Variants in PCDHGA3 observed in about 807,000 individuals in gnomAD.
PCDHGA3 encodes the protein protocadherin gamma subfamily A, 3.
A neutral mutation model predicts 58.5 loss-of-function variants in PCDHGA3; 40 were observed. The ratio of observed to expected loss-of-function variants is 0.68; its 90% CI spans 0.53 to 0.89. The LOEUF (loss-of-function observed/expected upper bound fraction) is 0.89, where lower values mean the gene tolerates loss of function less well. Among genes scored for constraint, PCDHGA3 ranks in the 40% least tolerant of loss-of-function variants. The pLI is 0.00. For synonymous variants in PCDHGA3, 530 were observed against 525.7 expected (o/e 1.01, Z -0.11); for missense variants, 1,223 against 1,195.9 (o/e 1.02, Z -0.33).
At chr5:141,457,094 C>T (rs2098908295) in intron 1 of PCDHGA3, among the ~76,000 whole-genome samples, 1 of 152,154 alleles carries the variant, frequency 6.6e-6, no homozygotes, top group Non-Finnish European at 1.5e-5. Context: ...TATAAGGATA[C>T]TAATTAAGCA....
intron 1 of PCDHGA3, chr5:141,417,503 T>G (rs1171198405): frequency 8.7e-6 from 2 of 229,844 alleles, no homozygotes; most frequent in East Asian, 1.9e-4. Context: ...GGAAAAAGAT[T>G]AAAATATTTT....
intron 1 of PCDHGA3, chr5:141,365,417 G>C: frequency 6.2e-7 from 1 of 1,613,940 alleles, no homozygotes; most frequent in South Asian, 1.1e-5. Context: ...CTGTCTTCCC[G>C]GAACTGTAAT....
rs1272166319 is a variant in PCDHGA3, at chr5:141,370,826, A to C, written c.2424+24369A>C. Reference sequence around the variant, plus strand: ...ATATCACTGAGCTGGAAATCAGCGAACTGGCTCTCACTGGAGCCACATTTG... The same window carrying C: ...ATATCACTGAGCTGGAAATCAGCGACCTGGCTCTCACTGGAGCCACATTTG... On this transcript the variant is annotated intron_variant, in intron 1 of 3. Coordinates refer to ENST00000253812, the MANE Select transcript of PCDHGA3 (RefSeq NM_018916.4). The C allele has an allele frequency of 1.1e-5, 18 of 1,613,884 alleles. No homozygotes were observed. The Admixed American group carries it at 3.0e-4, about 27-fold the overall frequency.
intron 1 of PCDHGA3, chr5:141,354,876 AC>A (rs763107420): frequency 8.7e-5 from 32 of 369,810 alleles, no homozygotes; most frequent in Non-Finnish European, 1.4e-4. Context: ...CAGGAATTTG[AC>A]TTTATTATCT....
intron 1 of PCDHGA3, among the ~76,000 whole-genome samples, chr5:141,401,018 G>C (rs2094104038): frequency 6.6e-6 from 1 of 152,108 alleles, no homozygotes; most frequent in Admixed American, 6.5e-5. Flanking sequence ...ATGGATTTAT[G>C]ATTTTTTGAA....
chr5:141,421,614 T>C (rs552534116), intron 1 of PCDHGA3: 3 of 1,613,810 alleles, frequency 1.9e-6, no homozygotes, highest in South Asian at 2.2e-5. Flanking sequence ...ATATTAATGA[T>C]AACGCCCCCA....
chr5:141,400,473 G>T (rs1196529035), intron 1 of PCDHGA3: 1 of 1,613,946 alleles, frequency 6.2e-7, no homozygotes, highest in Non-Finnish European at 8.5e-7. Context: ...ATTCATCTGG[G>T]GCCTTATTTC....
chr5:141,460,959 A>G (rs892536901), intron 1 of PCDHGA3, among the ~76,000 whole-genome samples: 2 of 126,082 alleles, frequency 1.6e-5, no homozygotes, highest in African/African-American at 7.1e-5. Context: ...ATGTATATAT[A>G]TATGTGTGTG....
intron 1 of PCDHGA3, chr5:141,356,010 T>C: frequency 6.2e-7 from 1 of 1,613,914 alleles, no homozygotes; most frequent in Non-Finnish European, 8.5e-7. Flanking sequence ...CTGATCCAGA[T>C]GAAGGAGCCA....
At chr5:141,385,582 G>T (rs1192405517) in intron 1 of PCDHGA3, 42 of 1,273,732 alleles carry the variant, frequency 3.3e-5, no homozygotes, top group Non-Finnish European at 4.1e-5. Context: ...TCCAATCTAT[G>T]TTCCAACCTA....
Position 141,344,079 on chromosome 5 carries a change from C to A in PCDHGA3, c.46C>A (p.Leu16Met). 1 of 1,610,426 alleles carries A rather than the reference C, an allele frequency of 6.2e-7. No individual in the cohort carries two copies. Among genetic ancestry groups the A allele is most frequent in the Non-Finnish European group, 8.5e-7 (1 of 1,177,678 alleles). Residue 16 changes from leucine to methionine, a missense_variant, in exon 1 of 4, where the codon CTG becomes ATG. This residue lies in a region of PCDHGA3 where 791 missense variants were observed against 708.5 expected (regional missense o/e 1.12). Transcript: ENST00000253812. ...CCGAAATGGCAGAGGACTGGCCCTG[C>A]TGTGCGCGCTCCTGGGGACGCTGTG... is the stretch of plus-strand genomic sequence containing the variant. ...SFRNGRGLALLCALLGTLCET... is the reference protein window; with the variant it reads ...SFRNGRGLALMCALLGTLCET...
Position 141,382,148 on chromosome 5 carries a change from G to T in PCDHGA3, c.2424+35691G>T, listed in dbSNP as rs368948292. 1.1e-3 allele frequency among the ~76,000 whole-genome samples: 162 copies of T among 151,932 alleles called. 4 individuals are homozygous for T. In the South Asian group the frequency reaches 0.024, roughly 23 times the overall value. Reference sequence around the variant, plus strand: ...TGGCCCCCCCTCTCATTTTTTAAACGGTTAAAATGAAGGTGTTAGACCGTC... The same window carrying T: ...TGGCCCCCCCTCTCATTTTTTAAACTGTTAAAATGAAGGTGTTAGACCGTC... On this transcript the variant is annotated intron_variant, in intron 1 of 3. Coordinates refer to ENST00000253812, the MANE Select transcript of PCDHGA3 (RefSeq NM_018916.4).
chr5:141,383,826 T>C, intron 1 of PCDHGA3: 1 of 1,613,966 alleles, frequency 6.2e-7, no homozygotes, highest in Non-Finnish European at 8.5e-7. Flanking sequence ...GATTAGATTA[T>C]GAAGAAACTG....
chr5:141,409,143 G>C (rs778597273), intron 1 of PCDHGA3: 2 of 1,613,986 alleles, frequency 1.2e-6, no homozygotes, highest in Admixed American at 3.3e-5. Context: ...GATGTAGAAA[G>C]GTACACCATG....
intron 2 of PCDHGA3, among the ~76,000 whole-genome samples, chr5:141,500,695 T>G (rs1214079801): frequency 1.3e-5 from 2 of 152,214 alleles, no homozygotes; most frequent in Admixed American, 6.5e-5. Flanking sequence ...TTTTTCTTCT[T>G]TGCAGTGTAT....
At chr5:141,423,398 G>T in intron 1 of PCDHGA3, 7 of 1,614,172 alleles carry the variant, frequency 4.3e-6, no homozygotes, top group Non-Finnish European at 5.9e-6. Flanking sequence ...CATAAGTCAC[G>T]CCTGCTGCAG....
At chr5:141,380,735 C>G (rs973708229) in intron 1 of PCDHGA3, among the ~76,000 whole-genome samples, 6 of 152,066 alleles carry the variant, frequency 3.9e-5, no homozygotes, top group Admixed American at 3.3e-4. Flanking sequence ...TTCCTTTTCT[C>G]CAAAGAAGGT....
chr5:141,432,627 C>T lies in PCDHGA3; in HGVS notation c.2425-62180C>T. ...GGACTCTTCTCGGTGGGTCTGCACA[C>T]GGGCGAGGTGCGCACGGCGCGAGCC... On this transcript the variant is annotated intron_variant, in intron 1 of 3. Coordinates refer to ENST00000253812, the MANE Select transcript of PCDHGA3 (RefSeq NM_018916.4). This position sits in a 1 kb window ranked among gnomAD's most constrained non-coding sequence, Gnocchi z 6.0. 1.2e-6 allele frequency: 2 copies of T among 1,613,770 alleles called. No individual in the cohort carries two copies. Among genetic ancestry groups the T allele is most frequent in the Non-Finnish European group, 1.7e-6 (2 of 1,179,944 alleles).
intron 1 of PCDHGA3, among the ~76,000 whole-genome samples, chr5:141,434,340 G>A (rs2097687601): frequency 6.6e-6 from 1 of 152,150 alleles, no homozygotes; most frequent in Non-Finnish European, 1.5e-5. Context: ...TTTGTGTCGG[G>A]AACAGGCCCC....
Sources: gnomAD v4.1 joint callset for allele counts (sites outside exome capture counted in the v4.1 genomes callset) on GRCh38, gnomAD v4.1.1 for gene constraint, gnomAD v4.1.1 regional missense constraint, Gnocchi (gnomAD v3.1) non-coding constraint, MANE v1.5 for transcripts, NCBI Gene and HGNC (gene_info 2026-07-23, HGNC 2026-07-21) for gene names.